PSME3: variants seen among roughly 807,000 people sequenced by gnomAD.
PSME3 encodes proteasome activator complex subunit 3.
PSME3 carries 7 observed loss-of-function variants against 38.3 expected under a neutral mutation model. The observed-to-expected ratio is 0.18, with a 90% confidence interval of 0.10 to 0.34. The LOEUF (loss-of-function observed/expected upper bound fraction) is 0.34. Ranked by LOEUF, PSME3 falls within the 10% of genes least tolerant of loss-of-function variation. The pLI, the probability that PSME3 is intolerant of heterozygous loss-of-function variation, is 1.00. For synonymous variants in PSME3, 108 were observed against 105.7 expected (o/e 1.02, Z -0.13); for missense variants, 192 against 307.6 (o/e 0.62, Z 2.81).
intron 10 of PSME3, among the ~76,000 whole-genome samples, chr17:42,841,293 G>T (rs2055530251): frequency 6.6e-6 from 1 of 152,050 alleles, no homozygotes; most frequent in Non-Finnish European, 1.5e-5. Context: ...TTTGAAACCA[G>T]GTTATTTGAG....
chr17:42,837,798 T>C lies in PSME3; in HGVS notation c.292+101T>C. 4 of 1,335,520 alleles carry C rather than the reference T, an allele frequency of 3.0e-6. No homozygotes were observed. In the Admixed American group the frequency reaches 5.2e-5, roughly 17 times the overall value. 82.7% of individuals were successfully genotyped at this position (1,335,520 alleles called of 1,614,324 possible). On this transcript the variant is annotated intron_variant, in intron 5 of 10. Coordinates refer to ENST00000590720, the MANE Select transcript of PSME3 (RefSeq NM_005789.4). ...GTTCTCCTGACCAGGAGGCAAGATCTAATCTTACTTCCCAGAGGTAGCATT... is the reference window on the plus strand; with the variant it reads ...GTTCTCCTGACCAGGAGGCAAGATCCAATCTTACTTCCCAGAGGTAGCATT...
chr17:42,841,253 A>G (rs1339306100), intron 10 of PSME3, among the ~76,000 whole-genome samples: 1 of 152,154 alleles, frequency 6.6e-6, no homozygotes, highest in Non-Finnish European at 1.5e-5. Context: ...TTAACATTGT[A>G]ACAAAATGAC....
Position 42,841,671 on chromosome 17 carries a change from T to C in PSME3, c.*93T>C. The C allele has an allele frequency of 2.5e-6, 2 of 795,190 alleles. No homozygotes were observed. The highest frequency in any genetic ancestry group is 3.9e-6 in the Non-Finnish European group (2 of 516,822). 49.3% of individuals were successfully genotyped at this position (795,190 alleles called of 1,614,324 possible). A position where few individuals can be genotyped will look rare whatever the true frequency, so the allele number is the denominator to read the frequency against. On this transcript the variant is annotated 3_prime_UTR_variant, in exon 11 of 11. Transcript: ENST00000590720. Reference sequence around the variant, plus strand: ...TGACTATCGTGATGGGGAAACTGGCTGGAAATAGTAATCACACCTCTCTGT... The same window carrying C: ...TGACTATCGTGATGGGGAAACTGGCCGGAAATAGTAATCACACCTCTCTGT...
intron 10 of PSME3, among the ~76,000 whole-genome samples, chr17:42,840,701 A>C (rs143326386): frequency 1.3e-5 from 2 of 152,236 alleles, no homozygotes; most frequent in African/African-American, 2.4e-5. Flanking sequence ...GACCTGGTAC[A>C]ATTCTTACTA....
rs572289330 is a variant in PSME3, at chr17:42,842,668, A to C, written c.*1090A>C. On this transcript the variant is annotated 3_prime_UTR_variant, in exon 11 of 11. Coordinates refer to ENST00000590720, the MANE Select transcript of PSME3 (RefSeq NM_005789.4). ...ATCATTGGTGTGTATGTGTATGTGC[A>C]TGCACACACGTGCATATACACATTT... 1.3e-5 allele frequency: 2 copies of C among 152,924 alleles called. No individual in the cohort carries two copies. Among genetic ancestry groups the C allele is most frequent in the Admixed American group, 6.5e-5 (1 of 15,304 alleles). 9.5% of individuals were successfully genotyped at this position (152,924 alleles called of 1,614,324 possible).
intron 2 of PSME3, 31 bp downstream of exon 2, chr17:42,834,407 GGTTGAGAA>G: frequency 1.2e-6 from 2 of 1,612,308 alleles, no homozygotes; most frequent in Non-Finnish European, 1.7e-6. Flanking sequence ...AATGGTTGTT[GGTTGAGAA>G]TTTCCCAAAG....
chr17:42,837,572 A>C lies in PSME3; in HGVS notation c.244-77A>C. ...AGCTATGAGGCTGAGGAAGGGATTA[A>C]ACTTGCTTGAAGGGTATCTTGTGAT... On this transcript the variant is annotated intron_variant, in intron 4 of 10. Transcript: ENST00000590720. The C allele has an allele frequency of 2.1e-6, 3 of 1,401,720 alleles. No individual in the cohort carries two copies. In the South Asian group the frequency reaches 3.5e-5, roughly 16 times the overall value. 86.8% of individuals were successfully genotyped at this position (1,401,720 alleles called of 1,614,324 possible).
chr17:42,837,306 C>T (rs2055474870), intron 4 of PSME3, among the ~76,000 whole-genome samples: 1 of 152,132 alleles, frequency 6.6e-6, no homozygotes, highest in Non-Finnish European at 1.5e-5. Context: ...ACCTTGGCCT[C>T]TTAAAGTGCT....
In PSME3 at chr17:42,834,838, C is replaced by G; in HGVS notation, c.205C>G (p.Pro69Ala). The change falls in exon 4 of 11, where the codon CCC becomes GCC. Residue 69 changes from proline to alanine, a missense_variant. By Grantham distance (27) the Pro-to-Ala change is conservative. Coordinates refer to ENST00000590720, the MANE Select transcript of PSME3 (RefSeq NM_005789.4). ...HSDMNLPVPD[P>A]ILLTNSHDGL... is the part of the protein sequence containing the mutation. Reference sequence around the variant, plus strand: ...TGACATGAATCTCCCAGTCCCTGACCCCATTCTTCTCACCAATAGCCATGA... The same window carrying G: ...TGACATGAATCTCCCAGTCCCTGACGCCATTCTTCTCACCAATAGCCATGA... 6.2e-7 allele frequency: 1 copy of G among 1,613,970 alleles called. No homozygotes were observed. Among genetic ancestry groups the G allele is most frequent in the South Asian group, 1.1e-5 (1 of 91,072 alleles).
chr17:42,834,957 G>A (rs2055444276), intron 4 of PSME3, 81 bp downstream of exon 4: 17 of 1,576,972 alleles, frequency 1.1e-5, no homozygotes, highest in Non-Finnish European at 1.5e-5. Context: ...AAGATGTACA[G>A]AGGGAACAGT....
chr17:42,838,043 G>A, intron 5 of PSME3, 50 bp from the exon 6 acceptor site: 4 of 1,589,344 alleles, frequency 2.5e-6, no homozygotes, highest in Admixed American at 1.7e-5. Context: ...GGCAGGGGAT[G>A]CTGTGTCCTT....
At chr17:42,840,725 A>G (rs2055521454) in intron 10 of PSME3, among the ~76,000 whole-genome samples, 1 of 152,212 alleles carries the variant, frequency 6.6e-6, no homozygotes, top group Non-Finnish European at 1.5e-5. Context: ...TAAGTGCACA[A>G]TACATGTTAG....
chr17:42,838,861 G>GTTACCT, intron 7 of PSME3, 62 bp downstream of exon 7: 1 of 1,584,322 alleles, frequency 6.3e-7, no homozygotes, highest in South Asian at 1.1e-5. Flanking sequence ...TCTCCCCTGC[G>GTTACCT]TTACCTTTTT....
At position 42,834,331 on chromosome 17, in the gene PSME3, T is replaced by C. The variant is rs1253555488; in HGVS notation, c.43-13T>C. On this transcript the variant is annotated splice_polypyrimidine_tract_variant and intron_variant, in intron 1 of 10. Coordinates refer to ENST00000590720, the MANE Select transcript of PSME3 (RefSeq NM_005789.4). ...GTCCCCAGGTACTGAATTGCTCTCT[T>C]TGTTAATTTTAGGTTGATTCTTTCA... 1.2e-6 allele frequency: 2 copies of C among 1,613,950 alleles called. No homozygotes were observed. Among genetic ancestry groups the C allele is most frequent in the Non-Finnish European group, 1.7e-6 (2 of 1,180,002 alleles).
At chr17:42,835,580 C>T (rs1214321628) in intron 4 of PSME3, among the ~76,000 whole-genome samples, 2 of 152,046 alleles carry the variant, frequency 1.3e-5, no homozygotes, top group African/African-American at 2.4e-5. Flanking sequence ...AAAAAATTAA[C>T]TGGGTGTGGT....
chr17:42,834,715 C>G, intron 3 of PSME3, 57 bp from the exon 4 acceptor site: 1 of 1,606,174 alleles, frequency 6.2e-7, no homozygotes, highest in Non-Finnish European at 8.5e-7. Context: ...CTCTTCAAAT[C>G]AAATACTTCT....
At position 42,840,040 on chromosome 17, in the gene PSME3, G is replaced by A. The variant is rs192637045; in HGVS notation, c.684+660G>A. On this transcript the variant is annotated intron_variant, in intron 10 of 10. Coordinates refer to ENST00000590720, the MANE Select transcript of PSME3 (RefSeq NM_005789.4). Reference sequence around the variant, plus strand: ...GGCTGTAATCCCAGCACTTTGGGAGGCCAAGGTGGGTGGATCACTTGAGGT... The same window carrying A: ...GGCTGTAATCCCAGCACTTTGGGAGACCAAGGTGGGTGGATCACTTGAGGT... Among the ~76,000 whole-genome samples the A allele has an allele frequency of 1.7e-3, 262 of 150,326 alleles. 2 individuals are homozygous for A. The highest frequency in any genetic ancestry group is 6.3e-3 in the African/African-American group (256 of 40,800).
intron 6 of PSME3, 178 bp from the exon 7 acceptor site, chr17:42,838,553 G>T: frequency 1.4e-6 from 1 of 690,068 alleles, no homozygotes. Flanking sequence ...CCTGACCTCA[G>T]GTGATCCACC....
chr17:42,840,545 T>A (rs991517258), intron 10 of PSME3, among the ~76,000 whole-genome samples: 5 of 151,086 alleles, frequency 3.3e-5, no homozygotes, highest in Non-Finnish European at 7.4e-5. Context: ...GAGGTGTAGG[T>A]TGCAGTGAGC....
Sources: gnomAD v4.1 joint callset for allele counts (sites outside exome capture counted in the v4.1 genomes callset) on GRCh38, gnomAD v4.1.1 for gene constraint, MANE v1.5 for transcripts, NCBI Gene and HGNC (gene_info 2026-07-23, HGNC 2026-07-21) for gene names.